Variants in FAM240A observed in about 807,000 individuals in gnomAD.
FAM240A encodes the protein family with sequence similarity 240 member A.
FAM240A carries 8 observed loss-of-function variants against 7.3 expected under a neutral mutation model. That is an observed-to-expected ratio of 1.09 (90% confidence interval 0.64 to 1.97). FAM240A has a LOEUF of 1.97. Ranked by LOEUF, FAM240A falls within the 30% of genes most tolerant of loss-of-function variation. The probability of loss-of-function intolerance (pLI) is 0.00; values close to 1 mark genes in which losing one functional copy is unlikely to be tolerated. For synonymous variants in FAM240A, 32 were observed against 35.9 expected, an observed-to-expected ratio of 0.89 and a Z score of 0.38; for missense variants, 90 against 102.2, an observed-to-expected ratio of 0.88 and a Z score of 0.52.
At chr3:46,612,775 G>T (rs1354638360) in intron 1 of FAM240A, 77 bp downstream of exon 1, 17 of 1,223,210 alleles carry the variant, frequency 1.4e-5, no homozygotes, top group African/African-American at 3.0e-5. Flanking sequence ...GTCCAAGTTG[G>T]TGCTGATTCA....
intron 2 of FAM240A, among the ~76,000 whole-genome samples, chr3:46,620,876 A>T (rs1697685476): frequency 6.6e-6 from 1 of 152,216 alleles, no homozygotes; most frequent in Non-Finnish European, 1.5e-5. Context: ...TTTAAGTGTG[A>T]TAATGGCAAG....
chr3:46,615,714 C>T (rs930934421), intron 1 of FAM240A, among the ~76,000 whole-genome samples: 8 of 152,230 alleles, frequency 5.3e-5, no homozygotes, highest in Non-Finnish European at 1.0e-4. Flanking sequence ...GGAACATCTG[C>T]AGCCCCTGCT....
At chr3:46,614,503 G>A (rs1217580719) in intron 1 of FAM240A, among the ~76,000 whole-genome samples, 2 of 152,218 alleles carry the variant, frequency 1.3e-5, no homozygotes, top group East Asian at 1.9e-4. Flanking sequence ...GTAAAATAAC[G>A]TTATGCGGAT....
At chr3:46,621,287 C>G (rs892261645) in intron 2 of FAM240A, among the ~76,000 whole-genome samples, 2 of 152,088 alleles carry the variant, frequency 1.3e-5, no homozygotes, top group African/African-American at 4.8e-5. Context: ...GACTTTATCC[C>G]TGATGATTTT....
At chr3:46,612,997 GA>G (rs1274597199) in intron 1 of FAM240A, among the ~76,000 whole-genome samples, 1 of 152,200 alleles carries the variant, frequency 6.6e-6, no homozygotes, top group Non-Finnish European at 1.5e-5. Context: ...ACCTGTGAAG[GA>G]ATGGGCTAAA....
chr3:46,613,776 T>C (rs1471664341), intron 1 of FAM240A, among the ~76,000 whole-genome samples: 3 of 152,102 alleles, frequency 2.0e-5, no homozygotes, highest in Non-Finnish European at 4.4e-5. Context: ...GCACCCTCCT[T>C]GTGTGTCCCA....
rs1428591743 is a variant in FAM240A at position 46,625,141 on chromosome 3, T to C, written c.175T>C (p.Trp59Arg). 6.5e-7 allele frequency: 1 copy of C among 1,534,518 alleles called. No individual in the cohort carries two copies. The highest frequency in any genetic ancestry group is 8.7e-7 in the Non-Finnish European group (1 of 1,145,990). The change falls in exon 3 of 3, where the codon TGG becomes CGG. Residue 59 changes from tryptophan (W) to arginine (R), a missense_variant. Coordinates refer to ENST00000640551, the MANE Select transcript of FAM240A (RefSeq NM_001195442.2). ...TTCTATTTTCAGGCTCAGAGAAGAATGGAAGCAGAGGCTGGAAACAAAGCT... is the reference window on the plus strand; with the variant it reads ...TTCTATTTTCAGGCTCAGAGAAGAACGGAAGCAGAGGCTGGAAACAAAGCT... ...RSALRKLREE[W>R]KQRLETKLRL...
chr3:46,624,264 A>ATT (rs59290700), intron 2 of FAM240A, among the ~76,000 whole-genome samples: 13,833 of 95,870 alleles, frequency 0.14, 1,660 homozygotes, highest in East Asian at 0.22. Context: ...ACGGTGGGCT[A>ATT]TTTTTTTTTT....
intron 2 of FAM240A, among the ~76,000 whole-genome samples, chr3:46,621,138 C>T (rs767982528): frequency 2.0e-5 from 3 of 152,136 alleles, no homozygotes; most frequent in Non-Finnish European, 4.4e-5. Flanking sequence ...CCTTTCCCTT[C>T]TTCCTCACCA....
intron 1 of FAM240A, among the ~76,000 whole-genome samples, chr3:46,613,945 G>T (rs1300860123): frequency 1.3e-5 from 2 of 152,044 alleles, no homozygotes; most frequent in Non-Finnish European, 2.9e-5. Flanking sequence ...TTGAGACAGG[G>T]TCTCGCTTTG....
At position 46,625,851 on chromosome 3, in the gene FAM240A, C is replaced by A. The variant is rs955657904; in HGVS notation, c.*633C>A. 6.6e-6 allele frequency: 1 copy of A among 152,086 alleles called. No individual in the cohort carries two copies. The highest frequency in any genetic ancestry group is 2.4e-5 in the African/African-American group (1 of 41,414). The allele number at this position is 152,086 out of a possible 1,614,324, so 9.4% of individuals were successfully genotyped here. A position where few individuals can be genotyped will look rare whatever the true frequency, so the allele number is the denominator to read the frequency against. ...TTGTCCTGTCATCACTATGCACATG[C>A]CTTCATTTTATTGCTTTATTTTAAT... On this transcript the variant is annotated 3_prime_UTR_variant, in exon 3 of 3. Transcript: ENST00000640551.
At chr3:46,618,040 A>G (rs1474196) in intron 2 of FAM240A, among the ~76,000 whole-genome samples, 144,972 of 152,288 alleles carry the variant, frequency 0.95, 69,421 homozygotes, top group East Asian at 1. Context: ...TCCCCTCAAA[A>G]GGAACAGCTC....
At chr3:46,623,588 G>C (rs1697721478) in intron 2 of FAM240A, among the ~76,000 whole-genome samples, 1 of 152,086 alleles carries the variant, frequency 6.6e-6, no homozygotes, top group African/African-American at 2.4e-5. Context: ...AAATGTTTCA[G>C]ATTGTTATAT....
rs1697752972 is a variant in FAM240A, at chr3:46,625,580, A to G, written c.*362A>G. 6.4e-6 allele frequency: 1 copy of G among 157,032 alleles called. No homozygotes were observed. The highest frequency in any genetic ancestry group is 1.4e-5 in the Non-Finnish European group (1 of 71,118). 9.7% of individuals were successfully genotyped at this position (157,032 alleles called of 1,614,324 possible). A position where few individuals can be genotyped will look rare whatever the true frequency, so the allele number is the denominator to read the frequency against. On this transcript the variant is annotated 3_prime_UTR_variant, in exon 3 of 3. Coordinates refer to ENST00000640551, the MANE Select transcript of FAM240A (RefSeq NM_001195442.2). ...TCCTCAACCTTCATGGTCAAACTTT[A>G]AACACTGTACAGTGGTATTGCCCCA...
At chr3:46,617,525 A>G (rs1480306465) in intron 2 of FAM240A, among the ~76,000 whole-genome samples, 197 bp downstream of exon 2, 1 of 152,184 alleles carries the variant, frequency 6.6e-6, no homozygotes, top group East Asian at 1.9e-4. Context: ...ACTGACTTTC[A>G]AGTCATGATT....
chr3:46,620,519 A>G (rs1268675885), intron 2 of FAM240A, among the ~76,000 whole-genome samples: 1 of 149,642 alleles, frequency 6.7e-6, no homozygotes, highest in East Asian at 1.9e-4. Context: ...AAAAATCCGG[A>G]TCTAATCAAA....
chr3:46,625,131 C>T lies in FAM240A; in HGVS notation c.165C>T (p.Leu55=). ...TGTGTTTGGTTTCTATTTTCAGGCT[C>T]AGAGAAGAATGGAAGCAGAGGCTGG... ...RRLGRSALRK[L]REEWKQRLET... Residue 55 remains leucine, a synonymous_variant, in exon 3 of 3, where the codon CTC becomes CTT. Transcript: ENST00000640551. The T allele has an allele frequency of 6.5e-7, 1 of 1,534,094 alleles. No individual in the cohort carries two copies.
chr3:46,622,157 G>T (rs1697705547), intron 2 of FAM240A, among the ~76,000 whole-genome samples: 1 of 127,354 alleles, frequency 7.9e-6, no homozygotes, highest in Non-Finnish European at 1.6e-5. Context: ...CTGTCGCCCA[G>T]TGCAGTGGCT....
chr3:46,615,994 A>C (rs1697625770), intron 1 of FAM240A, among the ~76,000 whole-genome samples: 1 of 152,250 alleles, frequency 6.6e-6, no homozygotes, highest in Non-Finnish European at 1.5e-5. Flanking sequence ...CTCACCTAAA[A>C]GATGAAGAAG....
Sources: allele counts gnomAD v4.1 joint callset (sites outside exome capture counted in the v4.1 genomes callset), GRCh38; gene constraint gnomAD v4.1.1; transcripts MANE v1.5; gene names NCBI Gene and HGNC (gene_info 2026-07-23, HGNC 2026-07-21).